The following MARF1 variants were observed in gnomAD, a reference collection of about 807,000 sequenced individuals.
MARF1 encodes the protein meiosis regulator and mRNA stability factor 1, also known as limkain-b1.
In MARF1, 24 loss-of-function variants were observed where a neutral mutation model predicts 168.2. The observed-to-expected ratio is 0.14, with a 90% confidence interval of 0.10 to 0.20. The LOEUF is 0.20. Among genes scored for constraint, MARF1 ranks in the 10% least tolerant of loss-of-function variants. MARF1 has a pLI of 1.00. For synonymous variants in MARF1, 868 were observed against 822.4 expected (o/e 1.06, Z -0.95); for missense variants, 1,744 against 2,143.6 (o/e 0.81, Z 3.68).
At chr16:15,601,405 T>C in intron 23 of MARF1, 1 of 242,648 alleles carries the variant, frequency 4.1e-6, no homozygotes, top group Non-Finnish European at 8.2e-6. Context: ...CTGGGGTGCT[T>C]TTCAAATGCA....
Position 15,643,075 on chromosome 16 carries a change from C to G in MARF1, c.-116G>C, listed in dbSNP as rs981094468. ...CGGCCCCGCCGCCTTCCCCCCGCCC[C>G]CCCCAGGCCCTTTGTTTTGATTCCC... On this transcript the variant is annotated 5_prime_UTR_variant, in exon 1 of 27. Transcript: ENST00000396368. The G allele has an allele frequency of 3.6e-6, 1 of 280,804 alleles. No homozygotes were observed. Among genetic ancestry groups the G allele is most frequent in the African/African-American group, 2.4e-5 (1 of 41,990 alleles). 17.4% of individuals were successfully genotyped at this position (280,804 alleles called of 1,614,324 possible).
chr16:15,634,960 A>T, intron 3 of MARF1, 29 bp from the exon 4 acceptor site: 4 of 1,603,718 alleles, frequency 2.5e-6, no homozygotes, highest in East Asian at 2.2e-5. Flanking sequence ...AAAAAGGAGG[A>T]GGTGTCAGAT....
chr16:15,638,955 G>T, intron 2 of MARF1, 135 bp downstream of exon 2: 1 of 742,296 alleles, frequency 1.3e-6, no homozygotes, highest in Non-Finnish European at 2.1e-6. Context: ...TGTGGTATAA[G>T]AGGCAATACA....
chr16:15,641,913 G>A (rs2035999996), intron 1 of MARF1, among the ~76,000 whole-genome samples: 1 of 152,156 alleles, frequency 6.6e-6, no homozygotes, highest in South Asian at 2.1e-4. Context: ...TGTTTGACTT[G>A]AGCGACAGTC....
chr16:15,614,439 G>A (rs150072417), intron 16 of MARF1, among the ~76,000 whole-genome samples: 3 of 127,578 alleles, frequency 2.4e-5, no homozygotes, highest in African/African-American at 6.1e-5. Flanking sequence ...GCTGAGATCC[G>A]GCCACTGCAC....
chr16:15,621,552 T>C (rs2034462094), intron 12 of MARF1, 181 bp downstream of exon 12: 2 of 627,042 alleles, frequency 3.2e-6, no homozygotes, highest in African/African-American at 1.9e-5. Flanking sequence ...CCAGCTTTGA[T>C]TAATGACTTA....
At chr16:15,611,495 A>C in intron 18 of MARF1, 97 bp downstream of exon 18, 2 of 1,121,682 alleles carry the variant, frequency 1.8e-6, no homozygotes, top group Admixed American at 5.7e-5. Context: ...TTCCAAAAGA[A>C]TGCTTAATAG....
At position 15,636,310 on chromosome 16, in the gene MARF1, C is replaced by G. The variant is rs745849349; in HGVS notation, c.177G>C (p.Val59=). The part of the protein sequence containing the change: ...KEYMENKKVA[V]ELKDVPSPLH... ...GGGGTGATGGTACATCCTTTAGTTC[C>G]ACAGCAACTTTCTTGTTCTCCATGT... The change falls in exon 3 of 27, where the codon GTG becomes GTC. Residue 59 remains valine (V), a synonymous_variant. Transcript: ENST00000396368. 2 of 1,573,424 alleles carry G rather than the reference C, an allele frequency of 1.3e-6. No individual in the cohort carries two copies. The highest frequency in any genetic ancestry group is 1.7e-4 in the Middle Eastern group (1 of 5,852).
chr16:15,616,015 GAA>G lies in MARF1; in HGVS notation c.3078-12_3078-11del. On this transcript the variant is annotated splice_polypyrimidine_tract_variant and intron_variant, in intron 15 of 26. Coordinates refer to ENST00000396368, the MANE Select transcript of MARF1 (RefSeq NM_014647.4). ...GTAACAATCTGGAAAGCTGAAATAG[GAA>G]AAAACAACAAAAAAAGGAAAGGTTA... The G allele has an allele frequency of 6.8e-7, 1 of 1,469,476 alleles. No individual in the cohort carries two copies. The highest frequency in any genetic ancestry group is 9.1e-7 in the Non-Finnish European group (1 of 1,102,888). 91.0% of individuals were successfully genotyped at this position (1,469,476 alleles called of 1,614,324 possible). A position where few individuals can be genotyped will look rare whatever the true frequency, so the allele number is the denominator to read the frequency against.
In MARF1 at chr16:15,617,336, G is replaced by A. The variant is rs1396542408; in HGVS notation, c.2920C>T (p.Pro974Ser). Residue 974 changes from proline (P) to serine (S), a missense_variant, in exon 14 of 27, where the codon CCT becomes TCT. Physicochemically the swap from Pro to Ser is moderately conservative, Grantham distance 74 (BLOSUM62 -1). Around this residue, in one of 7 missense-constraint regions of MARF1, gnomAD observed 543 missense variants for 742.1 expected, o/e 0.73. Coordinates refer to ENST00000396368, the MANE Select transcript of MARF1 (RefSeq NM_014647.4). ...TTGGAACAATGCTGTCTGCAGACAG[G>A]CTCGTGATATTCTAACTCTTCAAAT... is the stretch of plus-strand genomic sequence containing the variant. ...IIFEELEYHE[P>S]VCRQHCSNKD... The A allele has an allele frequency of 6.2e-7, 1 of 1,614,100 alleles. No homozygotes were observed. The highest frequency in any genetic ancestry group is 8.5e-7 in the Non-Finnish European group (1 of 1,179,986).
chr16:15,596,839 C>G lies in MARF1; in HGVS notation c.5083G>C (p.Ala1695Pro). The change falls in exon 27 of 27, where the codon GCT (alanine) becomes CCT (proline). Residue 1695 changes from alanine (A) to proline (P), a missense_variant. Transcript: ENST00000396368. ...SDSSSSCISAAVPVPPCPSSE... is the reference protein window; with the variant it reads ...SDSSSSCISAPVPVPPCPSSE... ...GAGGGGCAGGGAGGCACGGGGACAGCTGCTGAGATGCAGGACGAGCTGGAG... is the reference window on the plus strand; with the variant it reads ...GAGGGGCAGGGAGGCACGGGGACAGGTGCTGAGATGCAGGACGAGCTGGAG... The G allele has an allele frequency of 6.2e-7, 1 of 1,614,156 alleles. No homozygotes were observed.
chr16:15,635,170 C>A (rs958675919), intron 3 of MARF1: 9 of 479,496 alleles, frequency 1.9e-5, no homozygotes, highest in Non-Finnish European at 2.9e-5. Flanking sequence ...TCTTTACATT[C>A]TGGGGCATGA....
At chr16:15,623,569 C>T (rs1177548171) in intron 10 of MARF1, among the ~76,000 whole-genome samples, 1 of 152,188 alleles carries the variant, frequency 6.6e-6, no homozygotes, top group African/African-American at 2.4e-5. Context: ...GCGTGAGCCA[C>T]TGTGCCCAGC....
rs1172756397 is a variant in MARF1 at position 15,624,831 on chromosome 16, A to G, written c.2208T>C (p.Phe736=). ...TVFQVSYPSA[F]SKLVASRQVS... ...CTTGCCTGGATGCAACTAACTTGCT[A>G]AAAGCAGACGGGTAACTCACTTGGA... Residue 736 remains phenylalanine, a synonymous_variant, in exon 10 of 27, where the codon TTT becomes TTC. Coordinates refer to ENST00000396368, the MANE Select transcript of MARF1 (RefSeq NM_014647.4). The G allele has an allele frequency of 5.0e-6, 8 of 1,614,104 alleles. No individual in the cohort carries two copies. Among genetic ancestry groups the G allele is most frequent in the Non-Finnish European group, 6.8e-6 (8 of 1,180,030 alleles).
chr16:15,616,092 T>G, intron 15 of MARF1, 87 bp from the exon 16 acceptor site: 1 of 1,123,804 alleles, frequency 8.9e-7, no homozygotes. Context: ...GGCTTTGGTT[T>G]AATGTATGTG....
rs565008095 is a variant in MARF1 at position 15,626,952 on chromosome 16, A to G, written c.1525-1152T>C. ...GTACTCCAGCCTGGGCGACAGAGCGAGATTCTGTGAAAAAAAAAAAAAAAA... is the reference window on the plus strand; with the variant it reads ...GTACTCCAGCCTGGGCGACAGAGCGGGATTCTGTGAAAAAAAAAAAAAAAA... On this transcript the variant is annotated intron_variant, in intron 7 of 26. Coordinates refer to ENST00000396368, the MANE Select transcript of MARF1 (RefSeq NM_014647.4). Among the ~76,000 whole-genome samples, 131 of 121,170 alleles carry G rather than the reference A, an allele frequency of 1.1e-3. 1 individual carries two copies. Among genetic ancestry groups the G allele is most frequent in the African/African-American group, 4.0e-3 (116 of 28,962 alleles). The allele number at this position is 121,170 out of a possible 152,430, so 79.5% of individuals were successfully genotyped here. A position where few individuals can be genotyped will look rare whatever the true frequency, so the allele number is the denominator to read the frequency against.
intron 1 of MARF1, among the ~76,000 whole-genome samples, 166 bp downstream of exon 1, chr16:15,642,850 CTT>C (rs1567603077): frequency 6.6e-6 from 1 of 152,212 alleles, no homozygotes; most frequent in East Asian, 1.9e-4. Flanking sequence ...CAAGCCAACT[CTT>C]TCGTGGGGGG....
intron 4 of MARF1, among the ~76,000 whole-genome samples, 187 bp downstream of exon 4, chr16:15,634,570 A>C (rs779691006): frequency 3.3e-5 from 5 of 152,158 alleles, no homozygotes; most frequent in Admixed American, 1.3e-4. Flanking sequence ...TCGGCCCAAC[A>C]TAAAGGGCAA....
intron 21 of MARF1, chr16:15,606,093 A>G (rs1207395481): frequency 6.6e-6 from 1 of 152,262 alleles, no homozygotes; most frequent in Non-Finnish European, 1.5e-5. Flanking sequence ...AAACCTCCTG[A>G]GCATCCCACT....
Sources: gnomAD v4.1 joint callset for allele counts (sites outside exome capture counted in the v4.1 genomes callset) on GRCh38, gnomAD v4.1.1 for gene constraint, gnomAD v4.1.1 regional missense constraint, MANE v1.5 for transcripts, NCBI Gene and HGNC (gene_info 2026-07-23, HGNC 2026-07-21) for gene names.